The following RHOA variants were observed in gnomAD, a reference collection of about 807,000 sequenced individuals.
The protein encoded by RHOA is transforming protein RhoA.
Under a neutral mutation model 17.5 loss-of-function variants are expected in RHOA, and 3 were observed. The ratio of observed to expected loss-of-function variants is 0.17; its 90% CI spans 0.08 to 0.44. The LOEUF is 0.44. RHOA is among the 20% of genes least tolerant of loss of function. RHOA has a pLI of 0.99. For missense variants in RHOA, 56 were observed against 242.3 expected, an observed-to-expected ratio of 0.23 and a Z score of 5.10; for synonymous variants, 98 against 88.4, an observed-to-expected ratio of 1.11 and a Z score of -0.61.
intron 1 of RHOA, chr3:49,406,687 G>A (rs2048837149): frequency 6.6e-6 from 1 of 152,128 alleles, no homozygotes; most frequent in Non-Finnish European, 1.5e-5. Flanking sequence ...TGGGTAGGTT[G>A]AGGCACGAGA....
At chr3:49,388,561 G>A (rs992541585) in intron 1 of RHOA, among the ~76,000 whole-genome samples, 1 of 152,138 alleles carries the variant, frequency 6.6e-6, no homozygotes, top group East Asian at 1.9e-4. Context: ...GCTTCAGTAG[G>A]TAAATTAAAA....
chr3:49,380,468 G>A (rs1360429586), intron 1 of RHOA, among the ~76,000 whole-genome samples: 1 of 152,074 alleles, frequency 6.6e-6, no homozygotes, highest in Non-Finnish European at 1.5e-5. Flanking sequence ...AGCACACTGG[G>A]AGGCCGAGGC....
chr3:49,393,729 T>TGTGTGAGAGA (rs1553635013), intron 1 of RHOA, among the ~76,000 whole-genome samples: 4 of 136,834 alleles, frequency 2.9e-5, no homozygotes, highest in African/African-American at 5.7e-5. Context: ...TGTGTGTGTG[T>TGTGTGAGAGA]GACAGAATCT....
chr3:49,365,654 G>T (rs1004732204), intron 3 of RHOA, among the ~76,000 whole-genome samples: 2 of 141,880 alleles, frequency 1.4e-5, no homozygotes, highest in Non-Finnish European at 3.1e-5. Context: ...GCAGTGATGC[G>T]ATCTCGGCTC....
intron 1 of RHOA, among the ~76,000 whole-genome samples, chr3:49,403,957 C>G (rs1206314313): frequency 6.6e-6 from 1 of 151,480 alleles, no homozygotes; most frequent in Non-Finnish European, 1.5e-5. Flanking sequence ...TCCCACTACC[C>G]TCCCACCACC....
At chr3:49,408,969 T>C (rs915173642) in intron 1 of RHOA, among the ~76,000 whole-genome samples, 4 of 151,938 alleles carry the variant, frequency 2.6e-5, no homozygotes, top group Non-Finnish European at 4.4e-5. Flanking sequence ...ATTTTTTTTG[T>C]ATTTTTAGTA....
chr3:49,381,820 G>A (rs1190119586), intron 1 of RHOA, among the ~76,000 whole-genome samples: 7 of 151,230 alleles, frequency 4.6e-5, no homozygotes, highest in African/African-American at 1.7e-4. Flanking sequence ...AGCTGAGATC[G>A]TGCCACTGCA....
At chr3:49,375,353 C>CA (rs746978448) in intron 2 of RHOA, 81 bp downstream of exon 2, 2 of 1,380,310 alleles carry the variant, frequency 1.4e-6, no homozygotes, top group Non-Finnish European at 2.0e-6. Flanking sequence ...ACTGAAGAGG[C>CA]AAAAAGCTCT....
intron 1 of RHOA, among the ~76,000 whole-genome samples, chr3:49,380,592 T>C (rs1366109057): frequency 6.6e-6 from 1 of 151,138 alleles, no homozygotes; most frequent in East Asian, 1.9e-4. Flanking sequence ...AGAGAATCGC[T>C]TGAACCTGGG....
At chr3:49,410,851 G>C (rs980485396) in intron 1 of RHOA, among the ~76,000 whole-genome samples, 1 of 152,162 alleles carries the variant, frequency 6.6e-6, no homozygotes, top group Non-Finnish European at 1.5e-5. Context: ...AACCAAACAA[G>C]TCAACAACAG....
At chr3:49,376,534 T>A (rs917836999) in intron 1 of RHOA, among the ~76,000 whole-genome samples, 2 of 150,182 alleles carry the variant, frequency 1.3e-5, no homozygotes, top group Admixed American at 6.7e-5. Context: ...TCCCAGCTAC[T>A]TGGGAGGCTG....
chr3:49,374,426 A>G (rs904175406), intron 2 of RHOA, among the ~76,000 whole-genome samples: 4 of 152,138 alleles, frequency 2.6e-5, no homozygotes, highest in Admixed American at 2.0e-4. Context: ...AAACTTGAAA[A>G]GAGCACATAT....
At chr3:49,382,758 T>C (rs368208585) in intron 1 of RHOA, among the ~76,000 whole-genome samples, 31 of 152,226 alleles carry the variant, frequency 2.0e-4, no homozygotes, top group African/African-American at 6.0e-4. Context: ...AATTCCCCAG[T>C]TCAAGAAAAG....
At chr3:49,383,979 G>A (rs926433447) in intron 1 of RHOA, among the ~76,000 whole-genome samples, 8 of 152,132 alleles carry the variant, frequency 5.3e-5, no homozygotes, top group Non-Finnish European at 8.8e-5. Flanking sequence ...GCAGTGAGCC[G>A]AGATTGCACT....
At chr3:49,398,458 T>C (rs1254323097) in intron 1 of RHOA, among the ~76,000 whole-genome samples, 1 of 151,706 alleles carries the variant, frequency 6.6e-6, no homozygotes, top group Non-Finnish European at 1.5e-5. Context: ...ATTACAGTGA[T>C]AAACTAAAGG....
rs570615953 is a variant in RHOA at position 49,361,854 on chromosome 3, G to A, written c.408+642C>T. 6.8e-4 allele frequency among the ~76,000 whole-genome samples: 103 copies of A among 152,024 alleles called. 1 individual carries two copies. The highest frequency in any genetic ancestry group is 1.2e-3 in the Non-Finnish European group (82 of 68,004). ...ATAGCATCACTGCATTCCAGCCTGGGTGACAAAAGCAAAACTGTGTCTCAA... is the reference window on the plus strand; with the variant it reads ...ATAGCATCACTGCATTCCAGCCTGGATGACAAAAGCAAAACTGTGTCTCAA... On this transcript the variant is annotated intron_variant, in intron 4 of 4. Transcript: ENST00000418115.
At chr3:49,361,347 T>C (rs1263929427) in intron 4 of RHOA, among the ~76,000 whole-genome samples, 2 of 152,136 alleles carry the variant, frequency 1.3e-5, no homozygotes, top group African/African-American at 2.4e-5. Context: ...AGAACTTAGG[T>C]TGAAGATCTC....
chr3:49,367,670 C>T (rs563730754), intron 3 of RHOA, among the ~76,000 whole-genome samples: 7 of 151,726 alleles, frequency 4.6e-5, no homozygotes, highest in East Asian at 1.9e-4. Context: ...TACAAGTGCA[C>T]GCCACCACAC....
At chr3:49,373,783 T>C (rs1423845706) in intron 2 of RHOA, among the ~76,000 whole-genome samples, 1 of 148,348 alleles carries the variant, frequency 6.7e-6, no homozygotes, top group African/African-American at 2.5e-5. Context: ...GGAGACAAAG[T>C]ACAATCCCTG....
Sources: allele counts gnomAD v4.1 joint callset (sites outside exome capture counted in the v4.1 genomes callset), GRCh38; gene constraint gnomAD v4.1.1; transcripts MANE v1.5; gene names NCBI Gene and HGNC (gene_info 2026-07-23, HGNC 2026-07-21).